Variants in ALK observed in about 807,000 individuals in gnomAD.
ALK encodes the protein ALK tyrosine kinase receptor.
In ALK, 74 loss-of-function variants were observed where a neutral mutation model predicts 163.1. The observed-to-expected ratio is 0.45, with a 90% confidence interval of 0.38 to 0.55. The LOEUF (loss-of-function observed/expected upper bound fraction) is 0.55, where lower values mean the gene tolerates loss of function less well. Among genes scored for constraint, ALK ranks in the 20% least tolerant of loss-of-function variants. The probability of loss-of-function intolerance (pLI) is 0.00; values close to 1 mark genes in which losing one functional copy is unlikely to be tolerated. For synonymous variants in ALK, 960 were observed against 843.2 expected (o/e 1.14, Z -2.40); for missense variants, 2,063 against 2,105.3 (o/e 0.98, Z 0.39).
At position 29,653,211 on chromosome 2, in the gene ALK, T is replaced by C. The variant is rs535254345; in HGVS notation, c.952+41639A>G. Among the ~76,000 whole-genome samples, 13 of 152,276 alleles carry C rather than the reference T, an allele frequency of 8.5e-5. No individual in the cohort carries two copies. The East Asian group carries it at 1.9e-3, about 23-fold the overall frequency. ...TACATGTGGTCACAGATGTCTTCTA[T>C]CTGTGTTGACTTTTGGCGTGAGAGC... On this transcript the variant is annotated intron_variant, in intron 3 of 28. Coordinates refer to ENST00000389048, the MANE Select transcript of ALK (RefSeq NM_004304.5).
At chr2:29,773,846 A>C (rs1681097295) in intron 1 of ALK, among the ~76,000 whole-genome samples, 1 of 152,194 alleles carries the variant, frequency 6.6e-6, no homozygotes, top group Non-Finnish European at 1.5e-5. Context: ...AAGGAAGAGG[A>C]TCTCTGAAGA....
chr2:29,679,469 T>C (rs1276313205), intron 3 of ALK, among the ~76,000 whole-genome samples: 1 of 151,766 alleles, frequency 6.6e-6, no homozygotes, highest in Non-Finnish European at 1.5e-5. Context: ...TTCTCTCTGT[T>C]TCTTTCTCTT....
intron 4 of ALK, among the ~76,000 whole-genome samples, chr2:29,443,236 C>T (rs974313389): frequency 4.6e-5 from 7 of 152,216 alleles, no homozygotes; most frequent in Admixed American, 1.3e-4. Flanking sequence ...TGAGCCAAGG[C>T]CATGGTGCCT....
chr2:29,491,647 G>A (rs78710862), intron 4 of ALK, among the ~76,000 whole-genome samples: 87 of 152,294 alleles, frequency 5.7e-4, no homozygotes, highest in African/African-American at 1.9e-3. Context: ...AGCAAGGAAC[G>A]CCAGTCCCTC....
At chr2:29,917,245 C>A (rs541732357) in intron 1 of ALK, among the ~76,000 whole-genome samples, 26 of 152,192 alleles carry the variant, frequency 1.7e-4, no homozygotes, top group Non-Finnish European at 1.5e-4. Flanking sequence ...TTCCCTCCCC[C>A]ACAAATAGCC....
intron 1 of ALK, among the ~76,000 whole-genome samples, chr2:29,894,201 T>C (rs896107000): frequency 7.9e-5 from 12 of 152,176 alleles, no homozygotes; most frequent in Non-Finnish European, 1.5e-4. Flanking sequence ...GCCATGTCTG[T>C]TTCCTTCACA....
intron 4 of ALK, among the ~76,000 whole-genome samples, chr2:29,462,965 T>C (rs1168713312): frequency 1.3e-5 from 2 of 152,116 alleles, no homozygotes; most frequent in Admixed American, 6.6e-5. Flanking sequence ...TCATCTGAAA[T>C]AATAAAATGA....
In ALK at chr2:29,675,605, A is replaced by G. The variant is rs529438380; in HGVS notation, c.952+19245T>C. On this transcript the variant is annotated intron_variant, in intron 3 of 28. Transcript: ENST00000389048. ...CATCCAGTGTGAAAATCACCTGTGA[A>G]TTTTTTTTTCTTAGATACTGAAAGT... Among the ~76,000 whole-genome samples, 13 of 151,600 alleles carry G rather than the reference A, an allele frequency of 8.6e-5. No individual in the cohort carries two copies. In the East Asian group the frequency reaches 1.9e-3, roughly 23 times the overall value.
chr2:29,641,451 G>T (rs1676698639), intron 3 of ALK, among the ~76,000 whole-genome samples: 1 of 152,128 alleles, frequency 6.6e-6, no homozygotes, highest in African/African-American at 2.4e-5. Context: ...ATTGTGAGTT[G>T]GATCTGCTGA....
chr2:29,436,803 C>T (rs1670411599), intron 4 of ALK, among the ~76,000 whole-genome samples: 1 of 152,136 alleles, frequency 6.6e-6, no homozygotes, highest in Admixed American at 6.6e-5. Flanking sequence ...AGATAAATGG[C>T]TTAGTCATTT....
chr2:29,781,849 C>A (rs1681339122), intron 1 of ALK, among the ~76,000 whole-genome samples: 1 of 152,188 alleles, frequency 6.6e-6, no homozygotes, highest in African/African-American at 2.4e-5. Flanking sequence ...TAAACCTTCT[C>A]ACAGCTTTTG....
chr2:29,229,088 C>T (rs1339455756), intron 15 of ALK, 22 bp from the exon 16 acceptor site: 7 of 1,612,056 alleles, frequency 4.3e-6, no homozygotes, highest in Non-Finnish European at 5.1e-6. Flanking sequence ...GATAGGGAAC[C>T]TGCGTGAGGA....
intron 1 of ALK, among the ~76,000 whole-genome samples, chr2:29,817,913 T>C (rs1664940652): frequency 6.6e-6 from 1 of 152,184 alleles, no homozygotes; most frequent in Admixed American, 6.5e-5. Flanking sequence ...TAAGACTGGA[T>C]TATCTAATTT....
chr2:29,427,661 T>C (rs150348718), intron 4 of ALK, among the ~76,000 whole-genome samples: 4 of 149,530 alleles, frequency 2.7e-5, no homozygotes, highest in Admixed American at 2.7e-4. Flanking sequence ...ATGAGACATA[T>C]AGAAAAAAAT....
intron 3 of ALK, among the ~76,000 whole-genome samples, chr2:29,683,466 T>C (rs1678137357): frequency 6.6e-6 from 1 of 152,028 alleles, no homozygotes; most frequent in Non-Finnish European, 1.5e-5. Flanking sequence ...ATGTAGAAAA[T>C]TCAAAGTGGA....
chr2:29,666,161 A>C (rs1183436982), intron 3 of ALK, among the ~76,000 whole-genome samples: 1 of 152,134 alleles, frequency 6.6e-6, no homozygotes, highest in African/African-American at 2.4e-5. Flanking sequence ...CTCATCAAAA[A>C]AGCAATCAAC....
chr2:29,912,092 A>G lies in ALK; in HGVS notation c.667+7901T>C, dbSNP rs147879847. 3.5e-3 allele frequency among the ~76,000 whole-genome samples: 526 copies of G among 152,312 alleles called. 2 individuals are homozygous for G. The highest frequency in any genetic ancestry group is 0.012 in the African/African-American group (508 of 41,568). On this transcript the variant is annotated intron_variant, in intron 1 of 28. Transcript: ENST00000389048. ...CTACAGAACAAAGAGAAAAATTTCA[A>G]AAAAAGAAATTAGCAGCGTCTCAAG...
At chr2:29,266,837 A>G (rs941640835) in intron 11 of ALK, among the ~76,000 whole-genome samples, 4 of 152,190 alleles carry the variant, frequency 2.6e-5, no homozygotes, top group Admixed American at 2.6e-4. Context: ...TCTGCCCATC[A>G]GAATCCCCAC....
chr2:29,221,149 G>T (rs767345339), intron 22 of ALK: 1 of 560,614 alleles, frequency 1.8e-6, no homozygotes, highest in African/African-American at 1.8e-5. Flanking sequence ...AGATACTGGT[G>T]CGTGGACTGG....
Sources: gnomAD v4.1 joint callset for allele counts (sites outside exome capture counted in the v4.1 genomes callset) on GRCh38, gnomAD v4.1.1 for gene constraint, MANE v1.5 for transcripts, NCBI Gene and HGNC (gene_info 2026-07-23, HGNC 2026-07-21) for gene names.